LRRC37A2: variants seen among roughly 807,000 people sequenced by gnomAD.
LRRC37A2 encodes the protein leucine-rich repeat-containing protein 37A2.
A neutral mutation model predicts 68.8 loss-of-function variants in LRRC37A2; 9 were observed. The ratio of observed to expected loss-of-function variants is 0.13; its 90% CI spans 0.08 to 0.23. The LOEUF is 0.23. LRRC37A2 is among the 10% of genes least tolerant of loss of function. The pLI is 1.00. For missense variants in LRRC37A2, 168 were observed against 950.4 expected (o/e 0.18, Z 10.82); for synonymous variants, 63 against 367.6 (o/e 0.17, Z 9.48).
chr17:46,501,674 C>G, the LRRC37A2 span, among the ~76,000 whole-genome samples: 1 of 151,174 alleles, frequency 6.6e-6, no homozygotes, highest in Non-Finnish European at 1.5e-5. Context: ...ACATGCCAAC[C>G]AATTTTACTT....
At chr17:46,832,406 G>C in the LRRC37A2 span, among the ~76,000 whole-genome samples, 2 of 140,728 alleles carry the variant, frequency 1.4e-5, no homozygotes, top group African/African-American at 5.1e-5. Context: ...AGAGAGAGGG[G>C]GGTGGTGGAG....
the LRRC37A2 span, among the ~76,000 whole-genome samples, chr17:46,743,298 A>T: frequency 6.6e-6 from 1 of 152,060 alleles, no homozygotes; most frequent in Non-Finnish European, 1.5e-5. Context: ...AACCGTATGG[A>T]TTCCTGACAC....
At chr17:46,978,612 A>G in the LRRC37A2 span, 1 of 1,550,016 alleles carries the variant, frequency 6.5e-7, no homozygotes, top group Non-Finnish European at 8.7e-7. Flanking sequence ...TCCTTCTTGC[A>G]GCAGCGCTGG....
chr17:47,000,085 AT>A, the LRRC37A2 span, among the ~76,000 whole-genome samples: 7 of 7,558 alleles, frequency 9.3e-4, no homozygotes, highest in East Asian at 0.035. Context: ...AAAAAATAAA[AT>A]AAAATAAAAT....
chr17:46,871,004 G>A, the LRRC37A2 span, among the ~76,000 whole-genome samples: 6 of 141,858 alleles, frequency 4.2e-5, no homozygotes, highest in South Asian at 2.3e-4. Flanking sequence ...TCCACCTCCC[G>A]AGCTCAAGCT....
chr17:46,846,787 G>A, the LRRC37A2 span, among the ~76,000 whole-genome samples: 1 of 152,246 alleles, frequency 6.6e-6, no homozygotes, highest in Admixed American at 6.5e-5. Context: ...TGAGGAAGAA[G>A]AGGGAGGGAG....
the LRRC37A2 span, among the ~76,000 whole-genome samples, chr17:46,457,959 G>A: frequency 2.2e-5 from 1 of 45,926 alleles, no homozygotes. Context: ...ACACACACAC[G>A]AACATTCTAT....
chr17:46,869,948 G>A, the LRRC37A2 span, among the ~76,000 whole-genome samples: 5 of 151,852 alleles, frequency 3.3e-5, no homozygotes, highest in Non-Finnish European at 7.4e-5. Flanking sequence ...ACAGTGAGCT[G>A]AGATCACACC....
chr17:46,946,201 C>T, the LRRC37A2 span, among the ~76,000 whole-genome samples: 15 of 150,296 alleles, frequency 1.0e-4, no homozygotes, highest in Non-Finnish European at 1.2e-4. Context: ...TTTGGGAGGC[C>T]GAGGTGGGCA....
chr17:47,036,474 T>C, the LRRC37A2 span, among the ~76,000 whole-genome samples: 1 of 152,254 alleles, frequency 6.6e-6, no homozygotes, highest in Non-Finnish European at 1.5e-5. Context: ...ATTTTGGCTC[T>C]TACATTTAGG....
At chr17:46,811,850 G>A in the LRRC37A2 span, among the ~76,000 whole-genome samples, 2 of 152,132 alleles carry the variant, frequency 1.3e-5, no homozygotes, top group African/African-American at 2.4e-5. Context: ...CCAGCTACTC[G>A]GGAGGCTGAG....
the LRRC37A2 span, among the ~76,000 whole-genome samples, chr17:46,777,201 C>T: frequency 4.6e-5 from 7 of 152,074 alleles, no homozygotes; most frequent in African/African-American, 1.7e-4. Context: ...CAGAGCGAGA[C>T]TTCGTCTCAA....
chr17:46,533,884 A>C (rs2145321308), intron 6 of LRRC37A2, among the ~76,000 whole-genome samples: 1 of 104,004 alleles, frequency 9.6e-6, no homozygotes, highest in East Asian at 2.6e-4. Context: ...CTCAGTTTTT[A>C]TTTATCTAGA....
At chr17:46,934,576 T>C in the LRRC37A2 span, among the ~76,000 whole-genome samples, 1 of 152,046 alleles carries the variant, frequency 6.6e-6, no homozygotes, top group African/African-American at 2.4e-5. Context: ...TAACTCTCAG[T>C]CTACTTGGAG....
chr17:46,947,216 TCTGTGGCCCCAGGAGTTA>T, the LRRC37A2 span, among the ~76,000 whole-genome samples: 1 of 152,154 alleles, frequency 6.6e-6, no homozygotes, highest in Non-Finnish European at 1.5e-5. Context: ...TGTCCTAGAT[TCTGTGGCCCCAGGAGTTA>T]CTGCTCAGGA....
At chr17:46,731,293 A>G in the LRRC37A2 span, among the ~76,000 whole-genome samples, 5 of 152,152 alleles carry the variant, frequency 3.3e-5, no homozygotes, top group Admixed American at 6.6e-5. Flanking sequence ...GCAGATCTAT[A>G]AAGACAGAAA....
the LRRC37A2 span, among the ~76,000 whole-genome samples, chr17:46,748,878 T>C: frequency 2.0e-5 from 3 of 152,212 alleles, no homozygotes; most frequent in Non-Finnish European, 4.4e-5. Context: ...GGAAATTGAA[T>C]AGTACTCTGC....
the LRRC37A2 span, among the ~76,000 whole-genome samples, chr17:46,497,528 A>G: frequency 6.8e-6 from 1 of 147,036 alleles, no homozygotes; most frequent in Non-Finnish European, 1.5e-5. Context: ...TTTTACCTCT[A>G]AATAAAATGT....
chr17:47,010,360 C>A, the LRRC37A2 span: 1 of 152,262 alleles, frequency 6.6e-6, no homozygotes, highest in East Asian at 1.9e-4. Context: ...GACTGGCAGC[C>A]CCTGCCTAAA....
Sources: gnomAD v4.1 joint callset for allele counts (sites outside exome capture counted in the v4.1 genomes callset) on GRCh38, gnomAD v4.1.1 for gene constraint, MANE v1.5 for transcripts, NCBI Gene and HGNC (gene_info 2026-07-23, HGNC 2026-07-21) for gene names.